Variants in LRRC39 observed in about 807,000 individuals in gnomAD.
LRRC39 encodes the protein leucine rich repeat containing 39, also known as leucine-rich repeat-containing protein 39.
In LRRC39, 35 loss-of-function variants were observed where a neutral mutation model predicts 39.7. That is an observed-to-expected ratio of 0.88 (90% confidence interval 0.67 to 1.17). LRRC39 has a LOEUF of 1.17. Ranked by LOEUF, LRRC39 falls within the 50% of genes most tolerant of loss-of-function variation. LRRC39 has a pLI of 0.00. For missense variants in LRRC39, 357 were observed against 385.8 expected (o/e 0.93, Z 0.62); for synonymous variants, 113 against 134.1 (o/e 0.84, Z 1.09).
At chr1:100,165,790 A>G (rs1015064579) in intron 3 of LRRC39, among the ~76,000 whole-genome samples, 10 of 151,734 alleles carry the variant, frequency 6.6e-5, no homozygotes, top group African/African-American at 2.4e-4. Context: ...GTGGGAGACA[A>G]TTGAATCATG....
chr1:100,161,613 A>G (rs1248665133), intron 3 of LRRC39, among the ~76,000 whole-genome samples: 4 of 152,124 alleles, frequency 2.6e-5, no homozygotes, highest in Non-Finnish European at 5.9e-5. Context: ...TATTCATAGG[A>G]GTAGAATTGT....
chr1:100,158,301 A>C lies in LRRC39; in HGVS notation c.443T>G (p.Leu148Arg). Reference protein sequence around the residue: ...YNKIKTVPKELSNCASLEKLE... With the variant: ...YNKIKTVPKERSNCASLEKLE... ...TTTCTCCAAGCTGGCACAATTACTT[A>C]GTTCCTTGGGGACAGTCTTGATTTT... The change falls in exon 6 of 10, where the codon CTA becomes CGA. Residue 148 changes from leucine to arginine, a missense_variant. By Grantham distance (102) the Leu-to-Arg change is moderately radical. Transcript: ENST00000370137. The C allele has an allele frequency of 6.2e-7, 1 of 1,614,070 alleles. No homozygotes were observed. The highest frequency in any genetic ancestry group is 1.1e-5 in the South Asian group (1 of 91,080).
chr1:100,152,379 T>C lies in LRRC39; in HGVS notation c.952+6A>G, dbSNP rs753089715. On this transcript the variant is annotated splice_donor_region_variant and intron_variant, in intron 9 of 9. Transcript: ENST00000370137. ...ATTTAATCTGTGTTATATACAAATC[T>C]TATACCTGCTCTTCTCCGTGACTCT... The C allele has an allele frequency of 1.9e-6, 3 of 1,613,252 alleles. No homozygotes were observed. The highest frequency in any genetic ancestry group is 2.5e-6 in the Non-Finnish European group (3 of 1,179,604).
chr1:100,179,063 T>C (rs1264491002), upstream of LRRC39, among the ~76,000 whole-genome samples: 1 of 152,222 alleles, frequency 6.6e-6, no homozygotes, highest in East Asian at 1.9e-4. Flanking sequence ...TCAGGATATC[T>C]TGGAAACTGT....
At chr1:100,155,945 T>C (rs1293087117) in intron 7 of LRRC39, among the ~76,000 whole-genome samples, 1 of 152,200 alleles carries the variant, frequency 6.6e-6, no homozygotes, top group African/African-American at 2.4e-5. Context: ...CCCAGAACTC[T>C]GGGAGGCTGA....
intron 3 of LRRC39, among the ~76,000 whole-genome samples, chr1:100,167,842 T>A (rs1659355810): frequency 1.3e-5 from 2 of 149,552 alleles, no homozygotes; most frequent in Non-Finnish European, 3.0e-5. Flanking sequence ...AAAGAGACAA[T>A]GAATGAGAAT....
chr1:100,152,430 G>A lies in LRRC39; in HGVS notation c.907C>T (p.Leu303Phe), dbSNP rs766739851. Residue 303 changes from leucine (L) to phenylalanine (F), a missense_variant, in exon 9 of 10, where the codon CTT (leucine) becomes TTT (phenylalanine). Transcript: ENST00000370137. ...DEEEERELFG[L>F]QFMHTYIQES... ...TGTATGTATGTGTGCATAAACTGAA[G>A]GCCAAATAATTCCCGTTCCTCTTCT... The A allele has an allele frequency of 5.6e-6, 9 of 1,613,648 alleles. No homozygotes were observed. The highest frequency in any genetic ancestry group is 5.4e-5 in the African/African-American group (4 of 74,616).
intron 3 of LRRC39, 88 bp from the exon 4 acceptor site, chr1:100,160,659 C>G (rs2101778302): frequency 1.8e-6 from 2 of 1,093,224 alleles, no homozygotes; most frequent in Middle Eastern, 4.3e-4. Context: ...GAGTTTCACT[C>G]TTTTGCCCAG....
At chr1:100,175,349 G>GTTT (rs576646143) in intron 1 of LRRC39, among the ~76,000 whole-genome samples, 9 of 133,268 alleles carry the variant, frequency 6.8e-5, no homozygotes, top group Admixed American at 7.6e-5. Flanking sequence ...CAGTGTGCCA[G>GTTT]TTTTTTTTTT....
chr1:100,173,832 A>C (rs72973732), intron 1 of LRRC39, among the ~76,000 whole-genome samples: 232 of 152,344 alleles, frequency 1.5e-3, no homozygotes, highest in African/African-American at 5.4e-3. Context: ...TAAGTTCTGA[A>C]AAATATACTA....
At chr1:100,167,294 A>C (rs1659315882) in intron 3 of LRRC39, among the ~76,000 whole-genome samples, 1 of 152,214 alleles carries the variant, frequency 6.6e-6, no homozygotes, top group Non-Finnish European at 1.5e-5. Context: ...TCCGAGGATC[A>C]GACTGACACA....
In LRRC39 at chr1:100,159,698, A is replaced by G. The variant is rs1013261613; in HGVS notation, c.220-283T>C. The stretch of plus-strand genomic sequence containing the variant: ...TTTGATCAATAATGTACACACATCC[A>G]GTATGTCCTGATGATTCTGTTATGC... On this transcript the variant is annotated intron_variant, in intron 4 of 9. Coordinates refer to ENST00000370137, the MANE Select transcript of LRRC39 (RefSeq NM_144620.4). Among the ~76,000 whole-genome samples the G allele has an allele frequency of 2.0e-5, 3 of 147,118 alleles. No homozygotes were observed. In the Admixed American group the frequency reaches 2.1e-4, roughly 10 times the overall value.
At chr1:100,176,255 C>T (rs759142666) in intron 1 of LRRC39, among the ~76,000 whole-genome samples, 1 of 152,090 alleles carries the variant, frequency 6.6e-6, no homozygotes. Flanking sequence ...GGTGAAACCC[C>T]GTCTCTACTA....
intron 9 of LRRC39, among the ~76,000 whole-genome samples, chr1:100,150,867 C>T (rs937283558): frequency 1.3e-5 from 2 of 152,232 alleles, no homozygotes; most frequent in East Asian, 3.9e-4. Flanking sequence ...GTGGCTTACA[C>T]CTGTAATCCC....
chr1:100,172,422 C>T (rs769070039), intron 2 of LRRC39, among the ~76,000 whole-genome samples: 1 of 152,222 alleles, frequency 6.6e-6, no homozygotes, highest in Non-Finnish European at 1.5e-5. Flanking sequence ...CGCACTGGCT[C>T]ATGCATGTAA....
At chr1:100,152,319 C>A in intron 9 of LRRC39, 66 bp downstream of exon 9, 1 of 1,399,718 alleles carries the variant, frequency 7.1e-7, no homozygotes, top group African/African-American at 1.4e-5. Context: ...CAAAAGGCAG[C>A]AGTTAGTGAT....
intron 7 of LRRC39, 45 bp downstream of exon 7, chr1:100,156,127 G>A (rs1393192791): frequency 6.4e-7 from 1 of 1,564,714 alleles, no homozygotes; most frequent in Admixed American, 1.8e-5. Flanking sequence ...TTTCATAAGA[G>A]GTTTCAAGAC....
At chr1:100,171,850 A>T (rs373654488) in intron 2 of LRRC39, among the ~76,000 whole-genome samples, 1 of 152,066 alleles carries the variant, frequency 6.6e-6, no homozygotes, top group Non-Finnish European at 1.5e-5. Flanking sequence ...AGCTATCATC[A>T]TGAAATTAGA....
intron 1 of LRRC39, among the ~76,000 whole-genome samples, chr1:100,175,920 T>C (rs1659927845): frequency 6.6e-6 from 1 of 152,206 alleles, no homozygotes; most frequent in Non-Finnish European, 1.5e-5. Flanking sequence ...GAAATCCTCA[T>C]GGACTCCTGG....
Sources: allele counts gnomAD v4.1 joint callset (sites outside exome capture counted in the v4.1 genomes callset), GRCh38; gene constraint gnomAD v4.1.1; transcripts MANE v1.5; gene names NCBI Gene and HGNC (gene_info 2026-07-23, HGNC 2026-07-21).